The following USP13 variants were observed in gnomAD, a reference collection of about 807,000 sequenced individuals.
USP13 encodes the protein ubiquitin specific peptidase 13.
Under a neutral mutation model 107.8 loss-of-function variants are expected in USP13, and 68 were observed. The ratio of observed to expected loss-of-function variants is 0.63; its 90% CI spans 0.52 to 0.77. The LOEUF is 0.77. Among genes scored for constraint, USP13 ranks in the 30% least tolerant of loss-of-function variants. The pLI is 0.00. For synonymous variants in USP13, 377 were observed against 389.5 expected (o/e 0.97, Z 0.38); for missense variants, 945 against 1,093.3 (o/e 0.86, Z 1.91).
chr3:179,743,607 G>C (rs1714285042), intron 12 of USP13, among the ~76,000 whole-genome samples: 1 of 152,096 alleles, frequency 6.6e-6, no homozygotes, highest in South Asian at 2.1e-4. Context: ...GGAGTCTGCT[G>C]TTTGTTTCCT....
At position 179,715,807 on chromosome 3, in the gene USP13, G is replaced by A. The variant is rs146610179; in HGVS notation, c.806-4133G>A. The stretch of plus-strand genomic sequence containing the variant: ...TGGACAGATCTGCACTGACTCTGAG[G>A]AGAATCTCTCTTCATTTTCTCCTCT... On this transcript the variant is annotated intron_variant, in intron 6 of 20. Coordinates refer to ENST00000263966, the MANE Select transcript of USP13 (RefSeq NM_003940.3). Among the ~76,000 whole-genome samples, 1,114 of 152,272 alleles carry A rather than the reference G, an allele frequency of 7.3e-3. 3 individuals carry two copies. Among genetic ancestry groups the A allele is most frequent in the Admixed American group, 0.012 (189 of 15,294 alleles).
chr3:179,711,666 C>T (rs1462222894), intron 6 of USP13, among the ~76,000 whole-genome samples: 1 of 152,194 alleles, frequency 6.6e-6, no homozygotes, highest in Non-Finnish European at 1.5e-5. Context: ...TCCACCTCCA[C>T]AGGTTGTCCC....
chr3:179,695,965 C>G (rs1300383429), intron 3 of USP13, among the ~76,000 whole-genome samples: 1 of 152,206 alleles, frequency 6.6e-6, no homozygotes, highest in Non-Finnish European at 1.5e-5. Flanking sequence ...TATTGGTGCT[C>G]AAACATTGCA....
intron 3 of USP13, among the ~76,000 whole-genome samples, chr3:179,691,981 T>C (rs1008048604): frequency 6.6e-5 from 10 of 152,262 alleles, no homozygotes; most frequent in Admixed American, 2.6e-4. Context: ...TTCCATAGTA[T>C]GATTTCATTT....
chr3:179,724,911 CT>C (rs750176849), intron 8 of USP13, among the ~76,000 whole-genome samples: 1 of 152,174 alleles, frequency 6.6e-6, no homozygotes, highest in Admixed American at 6.5e-5. Context: ...GCAAAGTGAA[CT>C]TTTCTGACAT....
intron 16 of USP13, among the ~76,000 whole-genome samples, chr3:179,758,867 G>A (rs1714903100): frequency 6.6e-6 from 1 of 152,046 alleles, no homozygotes; most frequent in Non-Finnish European, 1.5e-5. Context: ...AGATTATGGA[G>A]TAGGCAGAAG....
intron 15 of USP13, among the ~76,000 whole-genome samples, chr3:179,756,091 A>G (rs1451989348): frequency 2.6e-5 from 4 of 152,230 alleles, no homozygotes; most frequent in Non-Finnish European, 5.9e-5. Context: ...TCTGATGTTC[A>G]TAATAGAATC....
chr3:179,700,304 C>T (rs1560053364), intron 3 of USP13, among the ~76,000 whole-genome samples: 1 of 152,098 alleles, frequency 6.6e-6, no homozygotes, highest in African/African-American at 2.4e-5. Flanking sequence ...GGCAATAACT[C>T]AACACTTTAA....
intron 3 of USP13, among the ~76,000 whole-genome samples, chr3:179,697,807 G>A (rs6771840): frequency 0.18 from 26,618 of 152,074 alleles, 2,591 homozygotes; most frequent in Non-Finnish European, 0.2. Context: ...TACCTCTGAT[G>A]GACTTTTCCC....
Position 179,721,588 on chromosome 3 carries a change from G to C in USP13, c.1087G>C (p.Ala363Pro). Reference protein sequence around the residue: ...AIFSIPEFQRAYVGNLPRIFD... With the variant: ...AIFSIPEFQRPYVGNLPRIFD... ...CTTCAGCATCCCAGAATTCCAGAGA[G>C]CGTAAGTGCCTTCCATGCAGACCAG... Residue 363 changes from alanine (A) to proline (P), a missense_variant and splice_region_variant, in exon 8 of 21, where the codon GCG (alanine) becomes CCG (proline). Coordinates refer to ENST00000263966, the MANE Select transcript of USP13 (RefSeq NM_003940.3). This position sits in a 1 kb window ranked among gnomAD's most constrained non-coding sequence, Gnocchi z 4.3. 1.2e-6 allele frequency: 2 copies of C among 1,612,990 alleles called. No individual in the cohort carries two copies. Among genetic ancestry groups the C allele is most frequent in the Non-Finnish European group, 1.7e-6 (2 of 1,179,924 alleles).
intron 19 of USP13, among the ~76,000 whole-genome samples, chr3:179,776,746 TA>T (rs1715551255): frequency 6.6e-6 from 1 of 152,022 alleles, no homozygotes; most frequent in African/African-American, 2.4e-5. Flanking sequence ...CCTTTTTAAG[TA>T]AATAGGAAAG....
At chr3:179,765,631 C>A in intron 18 of USP13, 64 bp from the exon 19 acceptor site, 1 of 1,571,654 alleles carries the variant, frequency 6.4e-7, no homozygotes, top group South Asian at 1.2e-5. Flanking sequence ...TTGAAATGGT[C>A]AGGACATAGT....
intron 19 of USP13, among the ~76,000 whole-genome samples, chr3:179,775,426 C>G (rs1198402514): frequency 6.6e-6 from 1 of 152,266 alleles, no homozygotes; most frequent in Admixed American, 6.5e-5. Flanking sequence ...CTCCAAGTCC[C>G]CACCCGACTC....
At chr3:179,656,150 T>C (rs900809846) in intron 1 of USP13, among the ~76,000 whole-genome samples, 4 of 152,228 alleles carry the variant, frequency 2.6e-5, no homozygotes, top group Non-Finnish European at 5.9e-5. Flanking sequence ...GGAAATTATA[T>C]GTGCAAAGAA....
At position 179,767,445 on chromosome 3, in the gene USP13, G is replaced by A. The variant is rs189699063; in HGVS notation, c.2413+1597G>A. ...TTTTTTTGGTTTTTTTTTTTTTTGA[G>A]ACAGAGTCTCACTCCATCACCCAGG... On this transcript the variant is annotated intron_variant, in intron 19 of 20. Coordinates refer to ENST00000263966, the MANE Select transcript of USP13 (RefSeq NM_003940.3). Among the ~76,000 whole-genome samples the A allele has an allele frequency of 5.4e-3, 778 of 143,034 alleles. 6 individuals carry two copies. Among genetic ancestry groups the A allele is most frequent in the African/African-American group, 0.021 (745 of 34,774 alleles). The allele number at this position is 143,034 out of a possible 152,430, so 93.8% of individuals were successfully genotyped here. A position where few individuals can be genotyped will look rare whatever the true frequency, so the allele number is the denominator to read the frequency against.
At chr3:179,741,711 A>T (rs1031915083) in intron 11 of USP13, among the ~76,000 whole-genome samples, 1 of 152,170 alleles carries the variant, frequency 6.6e-6, no homozygotes, top group South Asian at 2.1e-4. Context: ...TCCAGGTCTT[A>T]TGTTAATTCT....
intron 19 of USP13, among the ~76,000 whole-genome samples, chr3:179,773,913 A>G (rs973874669): frequency 2.6e-5 from 4 of 152,220 alleles, no homozygotes; most frequent in Non-Finnish European, 4.4e-5. Context: ...AGCAGGTAAC[A>G]TCACTAAATA....
Position 179,678,718 on chromosome 3 carries a change from C to T in USP13, c.169-3160C>T, listed in dbSNP as rs1018808378. 6.6e-6 allele frequency among the ~76,000 whole-genome samples: 1 copy of T among 152,124 alleles called. No homozygotes were observed. The highest frequency in any genetic ancestry group is 2.4e-5 in the African/African-American group (1 of 41,422). On this transcript the variant is annotated intron_variant, in intron 1 of 20. Transcript: ENST00000263966. The surrounding 1 kb of genome is among the most constrained non-coding windows in gnomAD (Gnocchi z 4.2). ...CAAACAATCTGCCTGCCTCAGCCTC[C>T]CAAAATGCTGGGATTGGATGCTGTT...
At position 179,784,117 on chromosome 3, in the gene USP13, C is replaced by T; in HGVS notation, c.2568C>T (p.Tyr856=). ...CCCCTAAAGACCTGGGCTACATGTA[C>T]TTTTACCGCAGGATACCAAGCTAAA... ...ERPPKDLGYM[Y]FYRRIPS The change falls in exon 21 of 21, where the codon TAC becomes TAT. Residue 856 remains tyrosine (Y), a synonymous_variant. Coordinates refer to ENST00000263966, the MANE Select transcript of USP13 (RefSeq NM_003940.3). 1.2e-6 allele frequency: 2 copies of T among 1,612,350 alleles called. No individual in the cohort carries two copies. The highest frequency in any genetic ancestry group is 1.7e-6 in the Non-Finnish European group (2 of 1,179,538).
Sources: allele counts gnomAD v4.1 joint callset (sites outside exome capture counted in the v4.1 genomes callset), GRCh38; gene constraint gnomAD v4.1.1; non-coding constraint Gnocchi (gnomAD v3.1); transcripts MANE v1.5; gene names NCBI Gene and HGNC (gene_info 2026-07-23, HGNC 2026-07-21).